ITGB6: variants seen among roughly 807,000 people sequenced by gnomAD.
ITGB6 encodes integrin beta-6.
Under a neutral mutation model 84.5 loss-of-function variants are expected in ITGB6, and 80 were observed. The observed-to-expected ratio is 0.95, with a 90% CI of 0.79 to 1.14. The LOEUF (loss-of-function observed/expected upper bound fraction) is 1.14. Ranked by LOEUF, ITGB6 falls within the 50% of genes most tolerant of loss-of-function variation. The pLI is 0.00. For missense variants in ITGB6, 1,006 were observed against 968.0 expected, an observed-to-expected ratio of 1.04 and a Z score of -0.52; for synonymous variants, 383 against 354.9, an observed-to-expected ratio of 1.08 and a Z score of -0.89.
chr2:160,152,428 G>C (rs1358471600), intron 7 of ITGB6, among the ~76,000 whole-genome samples: 1 of 152,112 alleles, frequency 6.6e-6, no homozygotes, highest in Admixed American at 6.5e-5. Context: ...CAATAAACTA[G>C]GTATTGATGG....
At chr2:160,179,459 G>C (rs1217481634) in intron 4 of ITGB6, among the ~76,000 whole-genome samples, 1 of 145,634 alleles carries the variant, frequency 6.9e-6, no homozygotes, top group Non-Finnish European at 1.5e-5. Context: ...TGCCATCTCA[G>C]CTCACTGCAA....
chr2:160,163,178 C>G (rs527574615), intron 7 of ITGB6, among the ~76,000 whole-genome samples: 1 of 152,268 alleles, frequency 6.6e-6, no homozygotes, highest in African/African-American at 2.4e-5. Flanking sequence ...CAAGTCTATG[C>G]ATCTTTAAAT....
chr2:160,107,777 C>T lies in ITGB6; in HGVS notation c.2170G>A (p.Val724Ile), dbSNP rs146397669. 7 of 1,613,836 alleles carry T rather than the reference C, an allele frequency of 4.3e-6. No individual in the cohort carries two copies. The African/African-American group carries it at 6.7e-5, about 15-fold the overall frequency. The change falls in exon 14 of 15, where the codon GTT becomes ATT. Residue 724 changes from valine to isoleucine, a missense_variant. Val to Ile is a conservative substitution (Grantham distance 29, BLOSUM62 3). Coordinates refer to ENST00000283249, the MANE Select transcript of ITGB6 (RefSeq NM_000888.5). ...AGCTTCCAGATGCACAGTAGGACAA[C>T]CCCGATGAGAAGAATAGCCAGGGAA... ...GVSLAILLIG[V>I]VLLCIWKLLV...
chr2:160,111,137 A>G (rs1441393262), intron 13 of ITGB6, among the ~76,000 whole-genome samples: 9 of 32,306 alleles, frequency 2.8e-4, no homozygotes, highest in African/African-American at 5.2e-4. Context: ...TGTTTCACTG[A>G]AAAAAAAAAA....
intron 12 of ITGB6, among the ~76,000 whole-genome samples, chr2:160,116,645 C>A (rs1317763212): frequency 6.6e-6 from 1 of 151,922 alleles, no homozygotes; most frequent in Non-Finnish European, 1.5e-5. Flanking sequence ...AATGACAGGA[C>A]CAAATTCACA....
At chr2:160,176,486 G>T (rs1348587554) in intron 4 of ITGB6, among the ~76,000 whole-genome samples, 1 of 152,150 alleles carries the variant, frequency 6.6e-6, no homozygotes, top group African/African-American at 2.4e-5. Flanking sequence ...ACTCTCAGAA[G>T]ACAACCTTAT....
intron 10 of ITGB6, among the ~76,000 whole-genome samples, chr2:160,136,755 C>A (rs1559134656): frequency 1.3e-5 from 2 of 152,106 alleles, no homozygotes. Context: ...TTTGTAGGGA[C>A]ATGGATGAAG....
intron 7 of ITGB6, among the ~76,000 whole-genome samples, chr2:160,168,241 T>C (rs1008267629): frequency 5.9e-5 from 9 of 152,176 alleles, no homozygotes; most frequent in Non-Finnish European, 1.2e-4. Context: ...CTACAGAACC[T>C]GATGCAAGTT....
At chr2:160,187,387 T>C (rs951137441) in intron 4 of ITGB6, among the ~76,000 whole-genome samples, 3 of 152,204 alleles carry the variant, frequency 2.0e-5, no homozygotes, top group South Asian at 2.1e-4. Context: ...AGATTCCTCA[T>C]TGAAACTACT....
intron 7 of ITGB6, among the ~76,000 whole-genome samples, chr2:160,166,691 CATT>C (rs1372316986): frequency 6.6e-6 from 1 of 152,150 alleles, no homozygotes; most frequent in African/African-American, 2.4e-5. Flanking sequence ...CTATTATCAT[CATT>C]ATCTTTCGAA....
At chr2:160,161,308 A>C (rs941315867) in intron 7 of ITGB6, among the ~76,000 whole-genome samples, 2 of 152,212 alleles carry the variant, frequency 1.3e-5, no homozygotes, top group Non-Finnish European at 2.9e-5. Flanking sequence ...ATACATGTAT[A>C]AACATTCAAA....
intron 12 of ITGB6, 23 bp downstream of exon 12, chr2:160,123,768 A>T: frequency 6.3e-7 from 1 of 1,592,846 alleles, no homozygotes; most frequent in Non-Finnish European, 8.6e-7. Context: ...AGGAAATGAA[A>T]AACAATTTAA....
At chr2:160,190,176 G>A (rs1306951506) in intron 4 of ITGB6, among the ~76,000 whole-genome samples, 6 of 148,664 alleles carry the variant, frequency 4.0e-5, no homozygotes, top group Non-Finnish European at 8.9e-5. Context: ...GACACAGGAA[G>A]GGGAACATCA....
chr2:160,151,242 T>C (rs1448511153), intron 7 of ITGB6, among the ~76,000 whole-genome samples: 2 of 152,200 alleles, frequency 1.3e-5, no homozygotes, highest in African/African-American at 4.8e-5. Flanking sequence ...CACAATGAAC[T>C]GTCTCTCATA....
intron 4 of ITGB6, among the ~76,000 whole-genome samples, chr2:160,176,642 T>G (rs1685429610): frequency 6.6e-6 from 1 of 152,234 alleles, no homozygotes; most frequent in Non-Finnish European, 1.5e-5. Flanking sequence ...TCAGAGTTAA[T>G]GCATAATAAA....
chr2:160,150,966 A>T (rs1684391483), intron 7 of ITGB6, among the ~76,000 whole-genome samples: 1 of 152,138 alleles, frequency 6.6e-6, no homozygotes, highest in Non-Finnish European at 1.5e-5. Flanking sequence ...AAGTCCTTAG[A>T]AACCTACAAA....
chr2:160,123,759 G>A (rs967175651), intron 12 of ITGB6, 32 bp downstream of exon 12: 6 of 1,549,006 alleles, frequency 3.9e-6, no homozygotes, highest in Non-Finnish European at 5.3e-6. Flanking sequence ...AACTACATAA[G>A]GAAATGAAAA....
Position 160,139,927 on chromosome 2 carries a change from G to GT in ITGB6, c.1108-1729dup, listed in dbSNP as rs560773932. Among the ~76,000 whole-genome samples, 247 of 152,134 alleles carry GT rather than the reference G, an allele frequency of 1.6e-3. 1 individual carries two copies. Among genetic ancestry groups the GT allele is most frequent in the African/African-American group, 5.7e-3 (238 of 41,522 alleles). On this transcript the variant is annotated intron_variant, in intron 8 of 14. Coordinates refer to ENST00000283249, the MANE Select transcript of ITGB6 (RefSeq NM_000888.5). ...AGATAAGTACACATCGGTATTTAAG[G>GT]TTTTTTTAAAATATCAATACGGCAC... is the stretch of plus-strand genomic sequence containing the variant.
chr2:160,166,256 G>A (rs1684997424), intron 7 of ITGB6, among the ~76,000 whole-genome samples: 1 of 152,174 alleles, frequency 6.6e-6, no homozygotes, highest in Non-Finnish European at 1.5e-5. Context: ...GGAAGTACCA[G>A]TATACTTCTT....
Sources: allele counts gnomAD v4.1 joint callset (sites outside exome capture counted in the v4.1 genomes callset), GRCh38; gene constraint gnomAD v4.1.1; transcripts MANE v1.5; gene names NCBI Gene and HGNC (gene_info 2026-07-23, HGNC 2026-07-21).